The following CRISPLD2 variants were observed in gnomAD, a reference collection of about 807,000 sequenced individuals.
The protein encoded by CRISPLD2 is cysteine-rich secretory protein LCCL domain-containing 2.
In CRISPLD2, 47 loss-of-function variants were observed where a neutral mutation model predicts 71.1. The ratio of observed to expected loss-of-function variants is 0.66; its 90% CI spans 0.52 to 0.84. The LOEUF (loss-of-function observed/expected upper bound fraction) is 0.84. CRISPLD2 is among the 40% of genes least tolerant of loss of function. The pLI, the probability that CRISPLD2 is intolerant of heterozygous loss-of-function variation, is 0.00. For missense variants in CRISPLD2, 830 were observed against 651.1 expected, an observed-to-expected ratio of 1.27 and a Z score of -2.99; for synonymous variants, 317 against 250.1, an observed-to-expected ratio of 1.27 and a Z score of -2.52.
chr16:84,833,190 C>A (rs988934302), intron 1 of CRISPLD2, among the ~76,000 whole-genome samples: 1 of 152,170 alleles, frequency 6.6e-6, no homozygotes, highest in African/African-American at 2.4e-5. Flanking sequence ...CTGGGCAGCG[C>A]GGGAGAAGTG....
Position 84,849,457 on chromosome 16 carries a change from C to G in CRISPLD2, c.432C>G (p.Ser144Arg). 3.1e-6 allele frequency: 5 copies of G among 1,614,144 alleles called. No homozygotes were observed. The highest frequency in any genetic ancestry group is 2.2e-5 in the East Asian group (1 of 44,890). ...EVKDYTYPYP[S>R]ECNPWCPERC... is the part of the protein sequence containing the mutation. ...AGGACTACACCTACCCCTACCCGAG[C>G]GAGTGCAACCCCTGGTGTCCAGAGA... Residue 144 changes from serine to arginine, a missense_variant, in exon 4 of 15, where the codon AGC becomes AGG. Physicochemically the swap from Ser to Arg is moderately radical, Grantham distance 110. Coordinates refer to ENST00000262424, the MANE Select transcript of CRISPLD2 (RefSeq NM_031476.4).
intron 14 of CRISPLD2, among the ~76,000 whole-genome samples, chr16:84,891,938 C>T (rs898306382): frequency 3.3e-5 from 5 of 152,252 alleles, no homozygotes; most frequent in Admixed American, 2.6e-4. Context: ...ACACATGTCA[C>T]TGGTGCCTTC....
Position 84,880,537 on chromosome 16 carries a change from G to C in CRISPLD2, c.1258G>C (p.Glu420Gln). The change falls in exon 13 of 15, where the codon GAA becomes CAA. Residue 420 changes from glutamate (E) to glutamine (Q), a missense_variant. Coordinates refer to ENST00000262424, the MANE Select transcript of CRISPLD2 (RefSeq NM_031476.4). ...RIHCPAHCKD[E>Q]PSYWAPVFGT... is the part of the protein sequence containing the mutation. ...CCATTGTCCGGCACACTGCAAAGAC[G>C]AACCTTCCTACTGGGCTCCGGTGTT... is the stretch of plus-strand genomic sequence containing the variant. 6.2e-7 allele frequency: 1 copy of C among 1,613,656 alleles called. No homozygotes were observed. The highest frequency in any genetic ancestry group is 2.2e-5 in the East Asian group (1 of 44,876).
intron 13 of CRISPLD2, among the ~76,000 whole-genome samples, chr16:84,881,741 G>A (rs1182900331): frequency 6.6e-6 from 1 of 152,106 alleles, no homozygotes; most frequent in African/African-American, 2.4e-5. Context: ...CTCCCAAAGT[G>A]CTGGGATTAT....
chr16:84,856,396 G>A (rs1642788215), intron 6 of CRISPLD2, among the ~76,000 whole-genome samples: 1 of 152,150 alleles, frequency 6.6e-6, no homozygotes, highest in Non-Finnish European at 1.5e-5. Context: ...AAGGGGAGGA[G>A]GAGCCCAAAG....
intron 4 of CRISPLD2, 99 bp from the exon 5 acceptor site, chr16:84,850,469 T>C: frequency 1.1e-6 from 1 of 895,448 alleles, no homozygotes; most frequent in Non-Finnish European, 1.9e-6. Flanking sequence ...CTTCACCTCG[T>C]ACCTCTTTAG....
intron 6 of CRISPLD2, among the ~76,000 whole-genome samples, chr16:84,855,513 T>G (rs1917213155): frequency 6.6e-6 from 1 of 151,948 alleles, no homozygotes; most frequent in Admixed American, 6.6e-5. Context: ...CTGCCTGCTT[T>G]ATATCCTAGC....
chr16:84,868,644 T>C (rs1443652461), intron 7 of CRISPLD2, among the ~76,000 whole-genome samples: 3 of 152,180 alleles, frequency 2.0e-5, no homozygotes, highest in Admixed American at 6.5e-5. Context: ...GGGAAGCAAA[T>C]TGTTCAAGGT....
intron 6 of CRISPLD2, among the ~76,000 whole-genome samples, chr16:84,856,952 C>A (rs920768024): frequency 2.6e-5 from 4 of 152,182 alleles, no homozygotes; most frequent in Middle Eastern, 3.2e-3. Context: ...AAGCATTGCA[C>A]GCAAAATGGG....
intron 6 of CRISPLD2, among the ~76,000 whole-genome samples, chr16:84,856,517 C>T (rs1917245667): frequency 6.6e-6 from 1 of 152,148 alleles, no homozygotes; most frequent in Non-Finnish European, 1.5e-5. Context: ...AATGTAATGT[C>T]ACAGGAACAG....
chr16:84,825,436 G>A (rs1410361745), intron 1 of CRISPLD2, among the ~76,000 whole-genome samples: 1 of 152,142 alleles, frequency 6.6e-6, no homozygotes, highest in African/African-American at 2.4e-5. Context: ...CTCTCAGTGT[G>A]TCTTGTCCTC....
intron 7 of CRISPLD2, among the ~76,000 whole-genome samples, chr16:84,867,753 G>T (rs1917581031): frequency 6.6e-6 from 1 of 152,132 alleles, no homozygotes; most frequent in Non-Finnish European, 1.5e-5. Flanking sequence ...TTTTAGTAGA[G>T]AAAGGGAGAT....
intron 6 of CRISPLD2, among the ~76,000 whole-genome samples, chr16:84,855,742 T>G (rs1387843492): frequency 6.6e-6 from 1 of 152,192 alleles, no homozygotes; most frequent in African/African-American, 2.4e-5. Flanking sequence ...CCTGAGATCA[T>G]ACATAATCTT....
At chr16:84,895,527 C>T (rs1567705499) in intron 14 of CRISPLD2, among the ~76,000 whole-genome samples, 1 of 152,136 alleles carries the variant, frequency 6.6e-6, no homozygotes, top group African/African-American at 2.4e-5. Context: ...ACCTGTTTTT[C>T]CCCCGTGCAC....
rs181320528 is a variant in CRISPLD2, at chr16:84,846,848, G to A, written c.359+944G>A. On this transcript the variant is annotated intron_variant, in intron 3 of 14. Transcript: ENST00000262424. ...CCCCTCTCCCATAGGAGGCATTGAC[G>A]GTTGTCTGTTAAATGCAGCCGACGG... is the stretch of plus-strand genomic sequence containing the variant. Among the ~76,000 whole-genome samples, 23 of 152,336 alleles carry A rather than the reference G, an allele frequency of 1.5e-4. No individual in the cohort carries two copies. The East Asian group carries it at 3.5e-3, about 23-fold the overall frequency.
intron 14 of CRISPLD2, among the ~76,000 whole-genome samples, chr16:84,892,339 AAG>A (rs750358433): frequency 2.2e-4 from 33 of 152,212 alleles, no homozygotes; most frequent in Non-Finnish European, 4.4e-4. Flanking sequence ...CTGCCGTTCT[AAG>A]AGTCACGCGA....
intron 5 of CRISPLD2, among the ~76,000 whole-genome samples, chr16:84,851,923 T>C (rs1917100756): frequency 6.6e-6 from 1 of 152,176 alleles, no homozygotes; most frequent in African/African-American, 2.4e-5. Flanking sequence ...CATGCATTAG[T>C]CTGTTGGGGC....
rs776142449 is a variant in CRISPLD2 at position 84,889,260 on chromosome 16, G to A, written c.1336G>A (p.Ala446Thr). The A allele has an allele frequency of 7.4e-6, 12 of 1,614,028 alleles. No individual in the cohort carries two copies. Among genetic ancestry groups the A allele is most frequent in the South Asian group, 3.3e-5 (3 of 91,084 alleles). ...TSSICKTAVHAGVISNESGGD... is the reference protein window; with the variant it reads ...TSSICKTAVHTGVISNESGGD... Reference sequence around the variant, plus strand: ...AAGCATCTGCAAGACAGCCGTGCACGCGGGAGTCATCAGCAACGAGAGTGG... The same window carrying A: ...AAGCATCTGCAAGACAGCCGTGCACACGGGAGTCATCAGCAACGAGAGTGG... The change falls in exon 14 of 15, where the codon GCG (alanine) becomes ACG (threonine). Residue 446 changes from alanine (A) to threonine (T), a missense_variant. Transcript: ENST00000262424.
At position 84,836,647 on chromosome 16, in the gene CRISPLD2, G is replaced by A. The variant is rs564056734; in HGVS notation, c.-74-1775G>A. 1.5e-3 allele frequency among the ~76,000 whole-genome samples: 226 copies of A among 152,196 alleles called. 2 individuals are homozygous for A. Among genetic ancestry groups the A allele is most frequent in the African/African-American group, 5.0e-3 (209 of 41,532 alleles). Reference sequence around the variant, plus strand: ...ATAGCTCTTTGGCTCAGCCTCTGTCGCCTGTTGCCAACGTTTCTGCTTCCT... The same window carrying A: ...ATAGCTCTTTGGCTCAGCCTCTGTCACCTGTTGCCAACGTTTCTGCTTCCT... On this transcript the variant is annotated intron_variant, in intron 1 of 14. Transcript: ENST00000262424.
Sources: allele counts gnomAD v4.1 joint callset (sites outside exome capture counted in the v4.1 genomes callset), GRCh38; gene constraint gnomAD v4.1.1; transcripts MANE v1.5; gene names NCBI Gene and HGNC (gene_info 2026-07-23, HGNC 2026-07-21).